ADGRB3: variants seen among roughly 807,000 people sequenced by gnomAD.
ADGRB3 encodes brain-specific angiogenesis inhibitor 3.
A neutral mutation model predicts 193.4 loss-of-function variants in ADGRB3; 37 were observed. That is an observed-to-expected ratio of 0.19 (90% CI 0.15 to 0.25). ADGRB3 has a LOEUF of 0.25. Ranked by LOEUF, ADGRB3 falls within the 10% of genes least tolerant of loss-of-function variation. The probability of loss-of-function intolerance (pLI) is 1.00; values close to 1 mark genes in which losing one functional copy is unlikely to be tolerated. For missense variants in ADGRB3, 1,637 were observed against 1,852.9 expected, an observed-to-expected ratio of 0.88 and a Z score of 2.14; for synonymous variants, 690 against 644.2, an observed-to-expected ratio of 1.07 and a Z score of -1.08.
At chr6:69,380,495 A>C (rs932457408) in intron 30 of ADGRB3, among the ~76,000 whole-genome samples, 1 of 151,964 alleles carries the variant, frequency 6.6e-6, no homozygotes, top group African/African-American at 2.4e-5. Context: ...GTACTTGAAA[A>C]GGAAAGATCC....
chr6:68,848,226 A>G (rs948593307), intron 3 of ADGRB3, among the ~76,000 whole-genome samples: 2 of 152,124 alleles, frequency 1.3e-5, no homozygotes, highest in African/African-American at 2.4e-5. Context: ...AAAAGCATAA[A>G]TCTTTCATAC....
chr6:69,075,473 C>G (rs548493200), intron 16 of ADGRB3, among the ~76,000 whole-genome samples: 1 of 152,084 alleles, frequency 6.6e-6, no homozygotes, highest in Non-Finnish European at 1.5e-5. Flanking sequence ...TCCTATACAA[C>G]CATGATATGC....
In ADGRB3 at chr6:68,863,246, T is replaced by C. The variant is rs542402442; in HGVS notation, c.758-67313T>C. ...TTGGATTTTCAGAGATACTTTATGT[T>C]ATTCAAATTCCTGAGTACAGACAAA... On this transcript the variant is annotated intron_variant, in intron 3 of 31. Coordinates refer to ENST00000370598, the MANE Select transcript of ADGRB3 (RefSeq NM_001704.3). Among the ~76,000 whole-genome samples, 19 of 152,182 alleles carry C rather than the reference T, an allele frequency of 1.2e-4. No individual in the cohort carries two copies. In the South Asian group the frequency reaches 3.5e-3, roughly 28 times the overall value.
At chr6:69,227,046 T>A (rs1390454665) in intron 17 of ADGRB3, among the ~76,000 whole-genome samples, 1 of 152,148 alleles carries the variant, frequency 6.6e-6, no homozygotes, top group East Asian at 1.9e-4. Flanking sequence ...TTTGTAGCCA[T>A]TTTTTACCTA....
chr6:69,149,290 A>C (rs987656409), intron 17 of ADGRB3, among the ~76,000 whole-genome samples: 3 of 151,584 alleles, frequency 2.0e-5, no homozygotes, highest in Non-Finnish European at 4.4e-5. Context: ...AAGCTCACTA[A>C]TTCTTTCTTC....
chr6:69,132,189 G>A (rs2150334491), intron 17 of ADGRB3, among the ~76,000 whole-genome samples: 1 of 152,230 alleles, frequency 6.6e-6, no homozygotes, highest in Admixed American at 6.5e-5. Flanking sequence ...CTAGATCTTT[G>A]AGGAATCGCC....
At chr6:68,841,280 C>T (rs1409878479) in intron 3 of ADGRB3, among the ~76,000 whole-genome samples, 1 of 152,130 alleles carries the variant, frequency 6.6e-6, no homozygotes, top group African/African-American at 2.4e-5. Flanking sequence ...ATCATTTCAT[C>T]TAGCAGCTAC....
At chr6:68,997,314 A>G (rs1169617312) in intron 11 of ADGRB3, among the ~76,000 whole-genome samples, 7 of 152,034 alleles carry the variant, frequency 4.6e-5, no homozygotes, top group African/African-American at 1.7e-4. Context: ...GAAGACCTTG[A>G]AAACTTTTGA....
At chr6:69,055,663 T>A (rs1027233608) in intron 15 of ADGRB3, among the ~76,000 whole-genome samples, 3 of 152,134 alleles carry the variant, frequency 2.0e-5, no homozygotes, top group Non-Finnish European at 2.9e-5. Flanking sequence ...AGAAGAGAGA[T>A]CATTGGATTA....
chr6:69,188,299 C>T (rs562575754), intron 17 of ADGRB3, among the ~76,000 whole-genome samples: 6 of 152,078 alleles, frequency 3.9e-5, no homozygotes, highest in South Asian at 2.1e-4. Context: ...ATGTCTCCAT[C>T]CTGGAATTTC....
intron 17 of ADGRB3, among the ~76,000 whole-genome samples, chr6:69,227,373 T>C (rs1018560224): frequency 1.3e-5 from 2 of 152,146 alleles, no homozygotes; most frequent in African/African-American, 4.8e-5. Flanking sequence ...CTGAGTGAGA[T>C]CAGAAAAACC....
intron 6 of ADGRB3, among the ~76,000 whole-genome samples, chr6:68,948,086 T>G (rs1767820158): frequency 6.6e-6 from 1 of 152,150 alleles, no homozygotes; most frequent in Non-Finnish European, 1.5e-5. Context: ...GGTTGGATAA[T>G]AAACCTTAAT....
At chr6:68,855,266 G>A (rs1456915906) in intron 3 of ADGRB3, among the ~76,000 whole-genome samples, 1 of 152,132 alleles carries the variant, frequency 6.6e-6, no homozygotes, top group African/African-American at 2.4e-5. Context: ...AAACTCTGAT[G>A]TTGAATACTT....
intron 10 of ADGRB3, among the ~76,000 whole-genome samples, chr6:68,976,424 A>G (rs931773199): frequency 2.0e-5 from 3 of 152,160 alleles, no homozygotes; most frequent in African/African-American, 4.8e-5. Context: ...ATGTATATCT[A>G]TATACAGTTG....
Position 69,110,760 on chromosome 6 carries a change from CAG to C in ADGRB3, c.2480+34723_2480+34724del, listed in dbSNP as rs556052511. On this transcript the variant is annotated intron_variant, in intron 17 of 31. Transcript: ENST00000370598. The stretch of plus-strand genomic sequence containing the variant: ...ATAATATTTTGGCTGTTGATGGAAA[CAG>C]GGGTTTGTGAAGAAAGCAGGAAAAT... Among the ~76,000 whole-genome samples, 316 of 152,190 alleles carry C rather than the reference CAG, an allele frequency of 2.1e-3. 1 individual carries two copies. The highest frequency in any genetic ancestry group is 3.4e-3 in the Non-Finnish European group (230 of 68,006).
chr6:69,015,600 A>G (rs912618229), intron 12 of ADGRB3, among the ~76,000 whole-genome samples: 2 of 151,988 alleles, frequency 1.3e-5, no homozygotes, highest in African/African-American at 4.8e-5. Flanking sequence ...TATCAAAGAT[A>G]ATCCTTGTGA....
chr6:68,642,250 T>C (rs568242694), intron 3 of ADGRB3, among the ~76,000 whole-genome samples: 2 of 152,278 alleles, frequency 1.3e-5, no homozygotes, highest in East Asian at 3.9e-4. Flanking sequence ...GTCTTCACAC[T>C]TAGTAGATGT....
At chr6:68,636,595 T>C (rs577654034) in intron 1 of ADGRB3, among the ~76,000 whole-genome samples, 299 of 152,030 alleles carry the variant, frequency 2.0e-3, no homozygotes, top group Non-Finnish European at 3.5e-3. Context: ...GGGTAATGAT[T>C]TATTTTTTAT....
At chr6:68,752,808 T>A (rs1194104564) in intron 3 of ADGRB3, among the ~76,000 whole-genome samples, 1 of 152,166 alleles carries the variant, frequency 6.6e-6, no homozygotes, top group Admixed American at 6.5e-5. Context: ...GATAGAAAGT[T>A]TTTTATGGGT....
Sources: allele counts gnomAD v4.1 joint callset (sites outside exome capture counted in the v4.1 genomes callset), GRCh38; gene constraint gnomAD v4.1.1; transcripts MANE v1.5; gene names NCBI Gene and HGNC (gene_info 2026-07-23, HGNC 2026-07-21).